SPAG16: variants seen among roughly 807,000 people sequenced by gnomAD.
SPAG16 encodes the protein sperm associated antigen 16, also known as sperm-associated antigen 16 protein.
A neutral mutation model predicts 80.4 loss-of-function variants in SPAG16; 86 were observed. That is an observed-to-expected ratio of 1.07 (90% confidence interval 0.90 to 1.28). The LOEUF (loss-of-function observed/expected upper bound fraction) is 1.28, where lower values mean the gene tolerates loss of function less well. Ranked by LOEUF, SPAG16 falls within the 50% of genes most tolerant of loss-of-function variation. The pLI is 0.00. For missense variants in SPAG16, 870 were observed against 765.3 expected (o/e 1.14, Z -1.61); for synonymous variants, 294 against 265.9 (o/e 1.11, Z -1.03).
At chr2:213,635,930 T>C (rs2062344946) in intron 10 of SPAG16, among the ~76,000 whole-genome samples, 1 of 152,220 alleles carries the variant, frequency 6.6e-6, no homozygotes, top group African/African-American at 2.4e-5. Context: ...TATTTCTTGC[T>C]GTGCAGAAGC....
chr2:214,356,662 A>C (rs1292420604), intron 15 of SPAG16, among the ~76,000 whole-genome samples: 1 of 152,006 alleles, frequency 6.6e-6, no homozygotes, highest in Non-Finnish European at 1.5e-5. Flanking sequence ...ATAAACATTT[A>C]CCGTAAAGAT....
rs1041949492 is a variant in SPAG16 at position 214,300,624 on chromosome 2, T to C, written c.1721-109516T>C. 9.2e-5 allele frequency among the ~76,000 whole-genome samples: 14 copies of C among 152,114 alleles called. No homozygotes were observed. In the South Asian group the frequency reaches 2.9e-3, roughly 32 times the overall value. ...GATAAAGGCATAATTGACAAGGAAATTTGGTTATTTTTGTGACACACAATT... is the reference window on the plus strand; with the variant it reads ...GATAAAGGCATAATTGACAAGGAAACTTGGTTATTTTTGTGACACACAATT... On this transcript the variant is annotated intron_variant, in intron 15 of 15. Transcript: ENST00000331683.
At chr2:213,606,838 C>T (rs1289779433) in intron 10 of SPAG16, among the ~76,000 whole-genome samples, 1 of 152,210 alleles carries the variant, frequency 6.6e-6, no homozygotes, top group African/African-American at 2.4e-5. Context: ...TTCATCTGCA[C>T]TACAGTCCTA....
chr2:214,004,895 A>G (rs764284765), intron 12 of SPAG16, among the ~76,000 whole-genome samples: 1 of 152,172 alleles, frequency 6.6e-6, no homozygotes, highest in African/African-American at 2.4e-5. Flanking sequence ...TTACAAATAT[A>G]TTTTATTAAA....
At chr2:213,703,022 C>A (rs1007302053) in intron 10 of SPAG16, among the ~76,000 whole-genome samples, 2 of 152,140 alleles carry the variant, frequency 1.3e-5, no homozygotes, top group Non-Finnish European at 2.9e-5. Context: ...TGATATGGTC[C>A]ATGAAATGTC....
chr2:214,277,336 G>T (rs940674147), intron 15 of SPAG16, among the ~76,000 whole-genome samples: 5 of 152,154 alleles, frequency 3.3e-5, no homozygotes, highest in African/African-American at 1.2e-4. Flanking sequence ...TGTTGCTGGT[G>T]AGGAGCTGCG....
intron 13 of SPAG16, among the ~76,000 whole-genome samples, chr2:214,095,176 A>G (rs2052501401): frequency 6.6e-6 from 1 of 152,074 alleles, no homozygotes; most frequent in Non-Finnish European, 1.5e-5. Flanking sequence ...CGTTTATCAA[A>G]GTCCCTACAT....
chr2:213,900,618 G>A (rs1263627712), intron 11 of SPAG16, among the ~76,000 whole-genome samples: 2 of 151,988 alleles, frequency 1.3e-5, no homozygotes, highest in Admixed American at 6.6e-5. Flanking sequence ...CCTTTCCTAA[G>A]CCCTTTTATT....
intron 5 of SPAG16, among the ~76,000 whole-genome samples, chr2:213,327,339 G>A (rs1280249724): frequency 6.6e-6 from 1 of 151,988 alleles, no homozygotes; most frequent in African/African-American, 2.4e-5. Context: ...GCACCACCAT[G>A]AAATGAATTT....
chr2:213,960,266 T>G (rs76711225), intron 12 of SPAG16, among the ~76,000 whole-genome samples: 1 of 152,194 alleles, frequency 6.6e-6, no homozygotes, highest in Admixed American at 6.5e-5. Flanking sequence ...CATTGTTTTT[T>G]GTTTATTCTT....
At chr2:213,514,390 ATAAT>A (rs770284884) in intron 10 of SPAG16, among the ~76,000 whole-genome samples, 42 of 152,338 alleles carry the variant, frequency 2.8e-4, no homozygotes, top group Non-Finnish European at 4.9e-4. Flanking sequence ...GAATATTATC[ATAAT>A]TAGAGTTTAC....
intron 10 of SPAG16, among the ~76,000 whole-genome samples, chr2:213,700,189 GT>G (rs1374731650): frequency 1.3e-5 from 2 of 151,334 alleles, no homozygotes. Context: ...TTGATTTGAT[GT>G]TATAGAGCCT....
At chr2:213,361,560 G>A (rs991908195) in intron 7 of SPAG16, among the ~76,000 whole-genome samples, 5 of 151,548 alleles carry the variant, frequency 3.3e-5, no homozygotes, top group African/African-American at 1.2e-4. Flanking sequence ...CTTTGGAGAA[G>A]TGTCTGATTC....
intron 13 of SPAG16, among the ~76,000 whole-genome samples, chr2:214,084,543 T>C (rs2193787): frequency 0.17 from 25,388 of 152,138 alleles, 2,299 homozygotes; most frequent in Admixed American, 0.2. Context: ...TCAGTCTCTC[T>C]CCTTTCTTTC....
intron 12 of SPAG16, among the ~76,000 whole-genome samples, chr2:213,974,702 A>C (rs541806017): frequency 1.3e-5 from 2 of 152,196 alleles, no homozygotes; most frequent in Non-Finnish European, 2.9e-5. Flanking sequence ...GTGGCTGCTC[A>C]TGTAACTCTC....
intron 14 of SPAG16, among the ~76,000 whole-genome samples, chr2:214,131,503 A>G (rs570386220): frequency 5.3e-5 from 8 of 152,248 alleles, no homozygotes; most frequent in South Asian, 2.1e-4. Flanking sequence ...TTACACAAAA[A>G]CCTCCACATA....
chr2:214,352,719 GT>G, intron 15 of SPAG16, among the ~76,000 whole-genome samples: 1 of 151,946 alleles, frequency 6.6e-6, no homozygotes. Flanking sequence ...GTAAATCTAT[GT>G]GCTTTGGTCA....
chr2:213,315,177 TTTA>T (rs1446472730), intron 4 of SPAG16, among the ~76,000 whole-genome samples: 4 of 151,988 alleles, frequency 2.6e-5, no homozygotes, highest in Non-Finnish European at 1.5e-5. Flanking sequence ...TTTTTTTAAC[TTTA>T]TTGATTGCCA....
At chr2:213,300,547 A>G (rs891496630) in intron 3 of SPAG16, among the ~76,000 whole-genome samples, 1 of 152,206 alleles carries the variant, frequency 6.6e-6, no homozygotes, top group Non-Finnish European at 1.5e-5. Context: ...CAACAGGTCA[A>G]ATGCAGAAAA....
Sources: allele counts gnomAD v4.1 joint callset (sites outside exome capture counted in the v4.1 genomes callset), GRCh38; gene constraint gnomAD v4.1.1; transcripts MANE v1.5; gene names NCBI Gene and HGNC (gene_info 2026-07-23, HGNC 2026-07-21).